CCDC125: variants seen among roughly 807,000 people sequenced by gnomAD.
The protein encoded by CCDC125 is coiled-coil domain containing 125.
A neutral mutation model predicts 57.4 loss-of-function variants in CCDC125; 43 were observed. The ratio of observed to expected loss-of-function variants is 0.75; its 90% confidence interval spans 0.59 to 0.97. CCDC125 has a LOEUF of 0.97. Ranked by LOEUF, CCDC125 falls within the 50% of genes least tolerant of loss-of-function variation. CCDC125 has a pLI of 0.00. For missense variants in CCDC125, 563 were observed against 595.7 expected, an observed-to-expected ratio of 0.95 and a Z score of 0.57; for synonymous variants, 187 against 195.2, an observed-to-expected ratio of 0.96 and a Z score of 0.35.
At chr5:69,309,126 C>T (rs1241278996) in intron 4 of CCDC125, 1 of 152,150 alleles carries the variant, frequency 6.6e-6, no homozygotes, top group African/African-American at 2.4e-5. Context: ...AAATTTGCAG[C>T]CTGACAATGC....
intron 7 of CCDC125, among the ~76,000 whole-genome samples, chr5:69,300,866 T>A (rs1199329123): frequency 6.6e-6 from 1 of 152,028 alleles, no homozygotes; most frequent in Non-Finnish European, 1.5e-5. Flanking sequence ...TTTCTTCTTT[T>A]TTCCTTTCTT....
intron 9 of CCDC125, among the ~76,000 whole-genome samples, chr5:69,293,155 G>A (rs1269958377): frequency 7.0e-6 from 1 of 143,340 alleles, no homozygotes; most frequent in African/African-American, 2.6e-5. Flanking sequence ...TTTTGTTTTG[G>A]AGACAGGGTC....
chr5:69,284,969 C>T (rs1033235167), intron 11 of CCDC125, among the ~76,000 whole-genome samples: 2 of 151,892 alleles, frequency 1.3e-5, no homozygotes, highest in Non-Finnish European at 2.9e-5. Flanking sequence ...TGGTGGTGGG[C>T]GCCTGCAGTC....
the CCDC125 span, among the ~76,000 whole-genome samples, chr5:69,273,872 AATAT>A: frequency 6.6e-6 from 1 of 152,164 alleles, no homozygotes; most frequent in Non-Finnish European, 1.5e-5. Context: ...GTGCTATGTG[AATAT>A]ATATGGAGAT....
At chr5:69,285,779 A>C (rs977643501) in intron 10 of CCDC125, among the ~76,000 whole-genome samples, 8 of 152,150 alleles carry the variant, frequency 5.3e-5, no homozygotes, top group African/African-American at 1.9e-4. Context: ...ACATCTTCCA[A>C]TTCTAAATGT....
rs1382926269 is a variant in CCDC125, at chr5:69,282,849, A to C, written c.1416T>G (p.His472Gln). Residue 472 changes from histidine to glutamine, a missense_variant, in exon 12 of 12, where the codon CAT (histidine) becomes CAG (glutamine). Coordinates refer to ENST00000396496, the MANE Select transcript of CCDC125 (RefSeq NM_176816.5). ...SEFSVLGDPI[H>Q]SSVCILNSVG... ...CAGAATTTAAAATGCAGACACTTGA[A>C]TGTATAGGATCACCCAAAACAGAGA... 6.2e-7 allele frequency: 1 copy of C among 1,614,138 alleles called. No homozygotes were observed. Among genetic ancestry groups the C allele is most frequent in the Admixed American group, 1.7e-5 (1 of 60,006 alleles).
chr5:69,290,620 CTTTTTTTTCT>C (rs1437882696), intron 10 of CCDC125, among the ~76,000 whole-genome samples: 1 of 122,402 alleles, frequency 8.2e-6, no homozygotes, highest in East Asian at 2.4e-4. Flanking sequence ...TTTTTTTTTT[CTTTTTTTTCT>C]TTTTTTTTTT....
intron 2 of CCDC125, among the ~76,000 whole-genome samples, chr5:69,315,798 A>T (rs1054538911): frequency 2.0e-5 from 3 of 151,276 alleles, no homozygotes; most frequent in African/African-American, 7.3e-5. Flanking sequence ...AAAAAACCTA[A>T]ATTTAATTTC....
intron 2 of CCDC125, among the ~76,000 whole-genome samples, chr5:69,318,122 C>T (rs1759422368): frequency 6.6e-6 from 1 of 151,488 alleles, no homozygotes; most frequent in Non-Finnish European, 1.5e-5. Flanking sequence ...GCTGGGATTA[C>T]AGGTGCACGC....
At chr5:69,296,946 A>G (rs1262818980) in intron 8 of CCDC125, among the ~76,000 whole-genome samples, 1 of 152,240 alleles carries the variant, frequency 6.6e-6, no homozygotes, top group East Asian at 1.9e-4. Context: ...CCTGGGCAAC[A>G]GAGCAAGACT....
rs1453637711 is a variant in CCDC125 at position 69,299,355 on chromosome 5, C to T, written c.816+657G>A. 3.9e-5 allele frequency among the ~76,000 whole-genome samples: 6 copies of T among 152,156 alleles called. No homozygotes were observed. In the South Asian group the frequency reaches 8.3e-4, roughly 21 times the overall value. On this transcript the variant is annotated intron_variant, in intron 8 of 11. Transcript: ENST00000396496. Reference sequence around the variant, plus strand: ...CGATCTCCTGACCTTGTGATCCGCCCGCCTCGGCTTCCCAAAGCGCTGGGA... The same window carrying T: ...CGATCTCCTGACCTTGTGATCCGCCTGCCTCGGCTTCCCAAAGCGCTGGGA...
At chr5:69,322,547 G>GA (rs1760191817) in intron 1 of CCDC125, among the ~76,000 whole-genome samples, 2 of 151,380 alleles carry the variant, frequency 1.3e-5, no homozygotes, top group South Asian at 4.2e-4. Context: ...AACACAGTGA[G>GA]AACCTGTCTC....
chr5:69,281,655 T>C lies in CCDC125; in HGVS notation c.*1074A>G, dbSNP rs1463374771. 2 of 152,096 alleles carry C rather than the reference T, an allele frequency of 1.3e-5. No homozygotes were observed. The highest frequency in any genetic ancestry group is 2.9e-5 in the Non-Finnish European group (2 of 68,024). 9.4% of individuals were successfully genotyped at this position (152,096 alleles called of 1,614,324 possible). ...TTAAGGAAATTGTTATTTCTAAACTTCATATGGTAAATGAAAAATACTGAA... is the reference window on the plus strand; with the variant it reads ...TTAAGGAAATTGTTATTTCTAAACTCCATATGGTAAATGAAAAATACTGAA... On this transcript the variant is annotated 3_prime_UTR_variant, in exon 12 of 12. Transcript: ENST00000396496.
rs1752446628 is a variant in CCDC125, at chr5:69,281,146, A to T, written c.*1583T>A. On this transcript the variant is annotated 3_prime_UTR_variant, in exon 12 of 12. Transcript: ENST00000396496. ...AGATATCTGTGCGCCAGCCTACAAG[A>T]AATACAAATGTACAGGGTAAAATCC... 6.6e-6 allele frequency: 1 copy of T among 152,256 alleles called. No individual in the cohort carries two copies. The highest frequency in any genetic ancestry group is 2.1e-4 in the South Asian group (1 of 4,830). 9.4% of individuals were successfully genotyped at this position (152,256 alleles called of 1,614,324 possible).
At chr5:69,288,693 A>G (rs1174614494) in intron 10 of CCDC125, among the ~76,000 whole-genome samples, 1 of 152,224 alleles carries the variant, frequency 6.6e-6, no homozygotes, top group Non-Finnish European at 1.5e-5. Context: ...CCCAATGTAC[A>G]TACAGCCAGT....
chr5:69,279,694 C>T (rs1330141081), downstream of CCDC125, among the ~76,000 whole-genome samples: 1 of 152,032 alleles, frequency 6.6e-6, no homozygotes, highest in Non-Finnish European at 1.5e-5. Flanking sequence ...TGTGTGTAGA[C>T]AGGGAGCTGC....
the CCDC125 span, among the ~76,000 whole-genome samples, chr5:69,273,298 T>C: frequency 6.7e-6 from 1 of 149,894 alleles, no homozygotes; most frequent in Non-Finnish European, 1.5e-5. Context: ...TACATGTCTA[T>C]TTCACATAAT....
At chr5:69,320,004 C>T (rs1430550336) in intron 2 of CCDC125, among the ~76,000 whole-genome samples, 2 of 151,888 alleles carry the variant, frequency 1.3e-5, no homozygotes, top group Non-Finnish European at 2.9e-5. Context: ...GCCTGTAATC[C>T]CAGCTACTCC....
intron 1 of CCDC125, among the ~76,000 whole-genome samples, chr5:69,323,003 T>C (rs1000970463): frequency 1.3e-5 from 2 of 151,876 alleles, no homozygotes; most frequent in Non-Finnish European, 2.9e-5. Context: ...AGCAACATTC[T>C]ATCTCAAAAA....
Sources: gnomAD v4.1 joint callset for allele counts (sites outside exome capture counted in the v4.1 genomes callset) on GRCh38, gnomAD v4.1.1 for gene constraint, MANE v1.5 for transcripts, NCBI Gene and HGNC (gene_info 2026-07-23, HGNC 2026-07-21) for gene names.